The following SH3GL2 variants were observed in gnomAD, a reference collection of about 807,000 sequenced individuals.
The protein encoded by SH3GL2 is SH3 domain containing GRB2 like 2, endophilin A1, also known as endophilin-A1.
In SH3GL2, 24 loss-of-function variants were observed where a neutral mutation model predicts 46.0. That is an observed-to-expected ratio of 0.52 (90% CI 0.38 to 0.73). SH3GL2 has a LOEUF of 0.73. Ranked by LOEUF, SH3GL2 falls within the 30% of genes least tolerant of loss-of-function variation. The pLI is 0.00. For synonymous variants in SH3GL2, 196 were observed against 147.1 expected (o/e 1.33, Z -2.40); for missense variants, 413 against 424.2 (o/e 0.97, Z 0.23).
intron 1 of SH3GL2, among the ~76,000 whole-genome samples, chr9:17,745,947 A>T (rs1233644738): frequency 1.3e-5 from 2 of 152,224 alleles, no homozygotes; most frequent in African/African-American, 4.8e-5. Flanking sequence ...GGGTATTTTA[A>T]AGGGAATGAA....
chr9:17,579,171 C>T lies in SH3GL2; in HGVS notation c.-72C>T, dbSNP rs936768315. Reference sequence around the variant, plus strand: ...AGAGGCGGCCAGGGGAGCGCGCCGCCCCGCTCGGCCCTCCAGTCCCCCTCC... The same window carrying T: ...AGAGGCGGCCAGGGGAGCGCGCCGCTCCGCTCGGCCCTCCAGTCCCCCTCC... On this transcript the variant is annotated 5_prime_UTR_variant, in exon 1 of 9. Transcript: ENST00000380607. The T allele has an allele frequency of 7.7e-6, 9 of 1,171,486 alleles. No individual in the cohort carries two copies. Among genetic ancestry groups the T allele is most frequent in the South Asian group, 4.4e-5 (3 of 67,746 alleles). The allele number at this position is 1,171,486 out of a possible 1,614,324, so 72.6% of individuals were successfully genotyped here.
At chr9:17,792,063 G>A (rs573479267) in intron 7 of SH3GL2, among the ~76,000 whole-genome samples, 6 of 152,202 alleles carry the variant, frequency 3.9e-5, no homozygotes, top group African/African-American at 1.4e-4. Flanking sequence ...TACCTCAAAG[G>A]GTCACCTCAG....
intron 3 of SH3GL2, among the ~76,000 whole-genome samples, chr9:17,784,126 T>A (rs567492362): frequency 6.6e-6 from 1 of 151,216 alleles, no homozygotes; most frequent in Non-Finnish European, 1.5e-5. Flanking sequence ...ATTAGTAGGC[T>A]TTTTTTAATC....
intron 2 of SH3GL2, among the ~76,000 whole-genome samples, chr9:17,754,132 T>A (rs1822923596): frequency 6.6e-6 from 1 of 152,216 alleles, no homozygotes; most frequent in South Asian, 2.1e-4. Context: ...AGCTTCGTTC[T>A]TTTTGCATAG....
chr9:17,786,648 C>A, intron 4 of SH3GL2, 124 bp downstream of exon 4: 1 of 869,236 alleles, frequency 1.2e-6, no homozygotes, highest in Non-Finnish European at 1.8e-6. Flanking sequence ...TTAGATCCTA[C>A]ACACATGGGC....
intron 1 of SH3GL2, among the ~76,000 whole-genome samples, chr9:17,657,300 T>C (rs1432917459): frequency 6.6e-6 from 1 of 152,192 alleles, no homozygotes; most frequent in Non-Finnish European, 1.5e-5. Context: ...GTGAATGCTG[T>C]CATAGATGTA....
Position 17,738,673 on chromosome 9 carries a change from G to A in SH3GL2, c.46-8393G>A, listed in dbSNP as rs187385347. Among the ~76,000 whole-genome samples, 707 of 144,982 alleles carry A rather than the reference G, an allele frequency of 4.9e-3. 8 individuals are homozygous for A. The highest frequency in any genetic ancestry group is 0.017 in the African/African-American group (660 of 38,250). On this transcript the variant is annotated intron_variant, in intron 1 of 8. Transcript: ENST00000380607. Reference sequence around the variant, plus strand: ...AGAGAGAGAGAGAGAGAGAGAGAGAGATAATTTTATTTCAAGGAATTGCCT... The same window carrying A: ...AGAGAGAGAGAGAGAGAGAGAGAGAAATAATTTTATTTCAAGGAATTGCCT...
intron 1 of SH3GL2, among the ~76,000 whole-genome samples, chr9:17,705,851 C>G (rs1039798117): frequency 5.3e-5 from 8 of 152,086 alleles, no homozygotes; most frequent in African/African-American, 1.9e-4. Context: ...CTGTTACGTA[C>G]TGTGCCTATC....
intron 2 of SH3GL2, among the ~76,000 whole-genome samples, chr9:17,756,924 C>T (rs1269106022): frequency 6.6e-6 from 1 of 152,134 alleles, no homozygotes; most frequent in African/African-American, 2.4e-5. Context: ...ATGGTTGAAC[C>T]AGTTTACATT....
chr9:17,719,287 C>CT (rs1429582690), intron 1 of SH3GL2, among the ~76,000 whole-genome samples: 1 of 152,094 alleles, frequency 6.6e-6, no homozygotes, highest in African/African-American at 2.4e-5. Context: ...ATTCTGAACT[C>CT]TAACACTTCA....
At chr9:17,632,422 C>T (rs1041368983) in intron 1 of SH3GL2, among the ~76,000 whole-genome samples, 1 of 152,106 alleles carries the variant, frequency 6.6e-6, no homozygotes, top group South Asian at 2.1e-4. Context: ...TATCTAATCA[C>T]TGTTTTCATT....
At chr9:17,733,648 C>G (rs889559679) in intron 1 of SH3GL2, among the ~76,000 whole-genome samples, 2 of 151,420 alleles carry the variant, frequency 1.3e-5, no homozygotes, top group African/African-American at 4.8e-5. Flanking sequence ...ATAAATCATG[C>G]TGTTATAAAG....
chr9:17,756,151 TA>T (rs1297138967), intron 2 of SH3GL2, among the ~76,000 whole-genome samples: 3 of 152,146 alleles, frequency 2.0e-5, no homozygotes, highest in African/African-American at 7.2e-5. Flanking sequence ...AAACTTTATC[TA>T]AGGATGCTGA....
At chr9:17,721,404 T>G (rs1344289876) in intron 1 of SH3GL2, among the ~76,000 whole-genome samples, 1 of 152,142 alleles carries the variant, frequency 6.6e-6, no homozygotes, top group African/African-American at 2.4e-5. Context: ...CTGTTAATCT[T>G]TTTTATATGT....
At chr9:17,590,411 G>A (rs1052797554) in intron 1 of SH3GL2, 1 of 152,150 alleles carries the variant, frequency 6.6e-6, no homozygotes, top group Non-Finnish European at 1.5e-5. Flanking sequence ...TTCTACTTCT[G>A]ATGATGAACC....
At chr9:17,765,986 C>G (rs76897367) in intron 3 of SH3GL2, among the ~76,000 whole-genome samples, 2,119 of 152,306 alleles carry the variant, frequency 0.014, 59 homozygotes, top group African/African-American at 0.048. Flanking sequence ...TTCCTTTTCC[C>G]TAAATCATCA....
intron 1 of SH3GL2, among the ~76,000 whole-genome samples, chr9:17,585,483 A>T (rs778358455): frequency 3.3e-5 from 5 of 152,192 alleles, no homozygotes; most frequent in African/African-American, 9.7e-5. Flanking sequence ...GAGGGGACAT[A>T]GGAGAGGCTC....
intron 1 of SH3GL2, among the ~76,000 whole-genome samples, chr9:17,624,253 C>T (rs1819225822): frequency 6.6e-6 from 1 of 152,164 alleles, no homozygotes; most frequent in African/African-American, 2.4e-5. Context: ...TTTTAACATC[C>T]TTTCACAGTG....
intron 1 of SH3GL2, among the ~76,000 whole-genome samples, chr9:17,691,364 T>G (rs1398786194): frequency 6.6e-6 from 1 of 152,164 alleles, no homozygotes; most frequent in Non-Finnish European, 1.5e-5. Flanking sequence ...GAAAGATGTG[T>G]TTTGTGTGTC....
Sources: gnomAD v4.1 joint callset for allele counts (sites outside exome capture counted in the v4.1 genomes callset) on GRCh38, gnomAD v4.1.1 for gene constraint, MANE v1.5 for transcripts, NCBI Gene and HGNC (gene_info 2026-07-23, HGNC 2026-07-21) for gene names.